Variants in ARG2 observed in about 807,000 individuals in gnomAD.
ARG2 encodes arginase-2, mitochondrial.
In ARG2, 21 loss-of-function variants were observed where a neutral mutation model predicts 39.4. That is an observed-to-expected ratio of 0.53 (90% CI 0.38 to 0.77). The LOEUF (loss-of-function observed/expected upper bound fraction) is 0.77, where lower values mean the gene tolerates loss of function less well. ARG2 is among the 30% of genes least tolerant of loss of function. The probability of loss-of-function intolerance (pLI) is 0.00; values close to 1 mark genes in which losing one functional copy is unlikely to be tolerated. For missense variants in ARG2, 378 were observed against 426.2 expected (o/e 0.89, Z 1.00); for synonymous variants, 150 against 156.7 (o/e 0.96, Z 0.32).
At position 67,645,720 on chromosome 14, in the gene ARG2, A is replaced by C. The variant is rs141081622; in HGVS notation, c.440A>C (p.Asp147Ala). 5.6e-6 allele frequency: 9 copies of C among 1,614,036 alleles called. No individual in the cohort carries two copies. Among genetic ancestry groups the C allele is most frequent in the Non-Finnish European group, 7.6e-6 (9 of 1,179,932 alleles). ...LCVVWVDAHA[D>A]INTPLTTSSG... ...GTTGTCTGGGTTGATGCCCATGCTGACATCAACACACCCCTTACCACTTCA... is the reference window on the plus strand; with the variant it reads ...GTTGTCTGGGTTGATGCCCATGCTGCCATCAACACACCCCTTACCACTTCA... The change falls in exon 4 of 8, where the codon GAC (aspartate) becomes GCC (alanine). Residue 147 changes from aspartate to alanine, a missense_variant. Physicochemically the swap from Asp to Ala is moderately radical, Grantham distance 126. Transcript: ENST00000261783.
At chr14:67,643,953 C>T (rs1001043321) in intron 3 of ARG2, among the ~76,000 whole-genome samples, 17 of 149,630 alleles carry the variant, frequency 1.1e-4, no homozygotes, top group African/African-American at 4.2e-4. Context: ...ATTAAATCAA[C>T]CAGAGGGCAA....
chr14:67,651,054 A>T lies in ARG2; in HGVS notation c.*134A>T. 1 of 1,101,440 alleles carries T rather than the reference A, an allele frequency of 9.1e-7. No individual in the cohort carries two copies. The highest frequency in any genetic ancestry group is 1.5e-5 in the South Asian group (1 of 65,674). The allele number at this position is 1,101,440 out of a possible 1,614,324, so 68.2% of individuals were successfully genotyped here. A position where few individuals can be genotyped will look rare whatever the true frequency, so the allele number is the denominator to read the frequency against. On this transcript the variant is annotated 3_prime_UTR_variant, in exon 8 of 8. Coordinates refer to ENST00000261783, the MANE Select transcript of ARG2 (RefSeq NM_001172.4). ...AACATTTACACATTCTCACAATTGTAAAGTTTCCCCTCTATTTTGGTGACC... is the reference window on the plus strand; with the variant it reads ...AACATTTACACATTCTCACAATTGTTAAGTTTCCCCTCTATTTTGGTGACC...
At chr14:67,642,891 C>A (rs1359518753) in intron 3 of ARG2, among the ~76,000 whole-genome samples, 1 of 144,616 alleles carries the variant, frequency 6.9e-6, no homozygotes. Flanking sequence ...CAACCTCTGC[C>A]TCCTAGGCTC....
At position 67,651,267 on chromosome 14, in the gene ARG2, T is replaced by C; in HGVS notation, c.*347T>C. 5.7e-6 allele frequency: 9 copies of C among 1,577,670 alleles called. No homozygotes were observed. Among genetic ancestry groups the C allele is most frequent in the Non-Finnish European group, 7.7e-6 (9 of 1,161,948 alleles). On this transcript the variant is annotated 3_prime_UTR_variant, in exon 8 of 8. Coordinates refer to ENST00000261783, the MANE Select transcript of ARG2 (RefSeq NM_001172.4). ...CCTCCCTCCTCCCACAGCCTGGCTA[T>C]ACAGTGCATCCTTGAACTGTCAGCC...
intron 3 of ARG2, among the ~76,000 whole-genome samples, chr14:67,644,662 G>A (rs538713865): frequency 6.6e-6 from 1 of 152,260 alleles, no homozygotes; most frequent in Non-Finnish European, 1.5e-5. Flanking sequence ...TGTAAGCAGA[G>A]CCCAAGGACA....
intron 2 of ARG2, among the ~76,000 whole-genome samples, chr14:67,627,260 T>C (rs981940195): frequency 3.5e-5 from 4 of 115,304 alleles, no homozygotes; most frequent in Non-Finnish European, 6.0e-5. Context: ...TAAGGAGATA[T>C]ATATATATAT....
chr14:67,641,261 G>C (rs2037027815), intron 2 of ARG2, among the ~76,000 whole-genome samples: 1 of 152,142 alleles, frequency 6.6e-6, no homozygotes, highest in South Asian at 2.1e-4. Flanking sequence ...GTTTAGACTT[G>C]AGTTCCATCC....
At chr14:67,633,716 G>A (rs1436114683) in intron 2 of ARG2, among the ~76,000 whole-genome samples, 2 of 152,198 alleles carry the variant, frequency 1.3e-5, no homozygotes, top group African/African-American at 4.8e-5. Context: ...TTTAGGACCT[G>A]GGCCTTGCCC....
At chr14:67,630,441 CAAAG>C (rs2036907244) in intron 2 of ARG2, among the ~76,000 whole-genome samples, 1 of 152,124 alleles carries the variant, frequency 6.6e-6, no homozygotes, top group African/African-American at 2.4e-5. Context: ...GAAGAATGAA[CAAAG>C]AAAGGGGCAA....
chr14:67,620,247 C>T (rs1055014590), intron 1 of ARG2, among the ~76,000 whole-genome samples, 159 bp downstream of exon 1: 5 of 146,310 alleles, frequency 3.4e-5, no homozygotes, highest in African/African-American at 5.0e-5. Flanking sequence ...ACCGTGGGAG[C>T]ATGTGGGATA....
In ARG2 at chr14:67,651,615, A is replaced by AG; in HGVS notation, c.*696dup. 1.1e-6 allele frequency: 1 copy of AG among 927,672 alleles called. No homozygotes were observed. The highest frequency in any genetic ancestry group is 1.6e-6 in the Non-Finnish European group (1 of 634,154). 57.5% of individuals were successfully genotyped at this position (927,672 alleles called of 1,614,324 possible). ...TTGATCACACAGCCACTTAGCAGGA[A>AG]GTACTCATAAGGTTCTTTAGCTGTC... On this transcript the variant is annotated 3_prime_UTR_variant, in exon 8 of 8. Transcript: ENST00000261783.
Position 67,629,069 on chromosome 14 carries a change from C to T in ARG2, c.184+8103C>T, listed in dbSNP as rs560585145. ...AAAAGCAGGGCTGGGTGGGGTGGCT[C>T]ATGCCTGTAATCCCAGCACTTTGGG... On this transcript the variant is annotated intron_variant, in intron 2 of 7. Transcript: ENST00000261783. 1.3e-3 allele frequency among the ~76,000 whole-genome samples: 203 copies of T among 152,278 alleles called. 1 individual carries two copies. Among genetic ancestry groups the T allele is most frequent in the Admixed American group, 5.0e-3 (77 of 15,294 alleles).
At chr14:67,627,131 G>A (rs545997110) in intron 2 of ARG2, among the ~76,000 whole-genome samples, 54 of 152,072 alleles carry the variant, frequency 3.6e-4, no homozygotes, top group African/African-American at 1.2e-3. Flanking sequence ...AGGTAGTGTC[G>A]ATGGCTGCAC....
At position 67,637,347 on chromosome 14, in the gene ARG2, G is replaced by C. The variant is rs1334592505; in HGVS notation, c.185-4839G>C. ...AGCCCCTTGAACCAGGGAGGTGGAG[G>C]TTGCAGTGAGCCGAGATCATGCCAT... On this transcript the variant is annotated intron_variant, in intron 2 of 7. Coordinates refer to ENST00000261783, the MANE Select transcript of ARG2 (RefSeq NM_001172.4). Among the ~76,000 whole-genome samples, 4 of 146,522 alleles carry C rather than the reference G, an allele frequency of 2.7e-5. No individual in the cohort carries two copies. In the East Asian group the frequency reaches 6.3e-4, roughly 23 times the overall value.
intron 2 of ARG2, among the ~76,000 whole-genome samples, chr14:67,637,330 G>A (rs2036982193): frequency 6.9e-6 from 1 of 144,206 alleles, no homozygotes; most frequent in Non-Finnish European, 1.5e-5. Flanking sequence ...AGAGCCCCTT[G>A]AACCAGGGAG....
chr14:67,639,065 A>G (rs1370043484), intron 2 of ARG2, among the ~76,000 whole-genome samples: 3 of 152,370 alleles, frequency 2.0e-5, no homozygotes, highest in African/African-American at 7.2e-5. Context: ...AGCACCTGTA[A>G]TGAGAGCAGA....
Position 67,645,776 on chromosome 14 carries a change from T to C in ARG2, c.496T>C (p.Phe166Leu). The C allele has an allele frequency of 6.2e-7, 1 of 1,614,040 alleles. No individual in the cohort carries two copies. The highest frequency in any genetic ancestry group is 8.5e-7 in the Non-Finnish European group (1 of 1,179,922). The change falls in exon 4 of 8, where the codon TTT becomes CTT. Residue 166 changes from phenylalanine (F) to leucine (L), a missense_variant. Transcript: ENST00000261783. Reference protein sequence around the residue: ...SGNLHGQPVSFLLRELQDKVP... With the variant: ...SGNLHGQPVSLLLRELQDKVP... The stretch of plus-strand genomic sequence containing the variant: ...AAATCTCCATGGACAGCCAGTTTCA[T>C]TTCTCCTCAGAGAACTACAGGATAA...
intron 4 of ARG2, among the ~76,000 whole-genome samples, chr14:67,646,239 A>G (rs1485048246): frequency 1.3e-5 from 2 of 152,222 alleles, no homozygotes; most frequent in Non-Finnish European, 2.9e-5. Flanking sequence ...GGACACTACA[A>G]AGATTATTCA....
At chr14:67,632,771 CTTTCTT>C (rs1207851118) in intron 2 of ARG2, among the ~76,000 whole-genome samples, 2 of 126,130 alleles carry the variant, frequency 1.6e-5, no homozygotes. Flanking sequence ...AGGGAGGTCT[CTTTCTT>C]TATTTTCAAC....
Sources: allele counts gnomAD v4.1 joint callset (sites outside exome capture counted in the v4.1 genomes callset), GRCh38; gene constraint gnomAD v4.1.1; transcripts MANE v1.5; gene names NCBI Gene and HGNC (gene_info 2026-07-23, HGNC 2026-07-21).